GPC5: variants seen among roughly 807,000 people sequenced by gnomAD.
The protein encoded by GPC5 is glypican-5.
GPC5 carries 47 observed loss-of-function variants against 53.9 expected under a neutral mutation model. The ratio of observed to expected loss-of-function variants is 0.87; its 90% confidence interval spans 0.69 to 1.11. The LOEUF (loss-of-function observed/expected upper bound fraction) is 1.11, where lower values mean the gene tolerates loss of function less well. Ranked by LOEUF, GPC5 falls within the 50% of genes most tolerant of loss-of-function variation. The pLI is 0.00. For missense variants in GPC5, 748 were observed against 713.1 expected (o/e 1.05, Z -0.56); for synonymous variants, 286 against 263.3 (o/e 1.09, Z -0.84).
chr13:91,486,627 C>T (rs1299202778), intron 2 of GPC5: 1 of 152,028 alleles, frequency 6.6e-6, no homozygotes, highest in Non-Finnish European at 1.5e-5. Context: ...GGAGCCAAGA[C>T]AAGAAAGGCA....
At chr13:92,540,768 G>A (rs1012781479) in intron 7 of GPC5, among the ~76,000 whole-genome samples, 1 of 151,864 alleles carries the variant, frequency 6.6e-6, no homozygotes. Flanking sequence ...ATCATCTAAT[G>A]ACAACATGTA....
intron 3 of GPC5, among the ~76,000 whole-genome samples, chr13:91,713,789 C>T (rs1594467170): frequency 6.6e-6 from 1 of 152,278 alleles, no homozygotes; most frequent in East Asian, 1.9e-4. Context: ...CTTACTTTAC[C>T]TCCCACCAAA....
At chr13:92,294,826 CTTTT>C (rs147963724) in intron 7 of GPC5, among the ~76,000 whole-genome samples, 1 of 99,000 alleles carries the variant, frequency 1.0e-5, no homozygotes, top group African/African-American at 4.3e-5. Flanking sequence ...TTTTTTTTTT[CTTTT>C]TTTTTTTTTT....
At chr13:92,805,127 G>A (rs935304074) in intron 7 of GPC5, among the ~76,000 whole-genome samples, 6 of 152,028 alleles carry the variant, frequency 3.9e-5, no homozygotes, top group Admixed American at 3.9e-4. Flanking sequence ...TCCTGTCAAA[G>A]TTGACATTTT....
At chr13:92,058,874 A>C (rs1471427755) in intron 6 of GPC5, among the ~76,000 whole-genome samples, 1 of 152,130 alleles carries the variant, frequency 6.6e-6, no homozygotes, top group Non-Finnish European at 1.5e-5. Context: ...ATTTCCTTAC[A>C]CAAAGATTGG....
intron 2 of GPC5, among the ~76,000 whole-genome samples, chr13:91,571,836 T>C (rs1241148301): frequency 2.1e-4 from 17 of 80,192 alleles, no homozygotes; most frequent in East Asian, 1.2e-3. Flanking sequence ...TATACACATA[T>C]ACTTGTGTGT....
intron 2 of GPC5, among the ~76,000 whole-genome samples, chr13:91,452,669 G>T (rs1395789757): frequency 2.6e-5 from 4 of 152,056 alleles, no homozygotes; most frequent in Non-Finnish European, 5.9e-5. Flanking sequence ...AGGGGAAATT[G>T]ATGGAGAGTC....
chr13:91,729,813 G>A (rs1342184211), intron 4 of GPC5, among the ~76,000 whole-genome samples: 3 of 152,012 alleles, frequency 2.0e-5, no homozygotes, highest in East Asian at 3.9e-4. Flanking sequence ...GTCCTTCGAG[G>A]TGTTGTATTT....
chr13:92,586,121 C>A (rs551894862), intron 7 of GPC5, among the ~76,000 whole-genome samples: 2 of 152,076 alleles, frequency 1.3e-5, no homozygotes, highest in Non-Finnish European at 2.9e-5. Flanking sequence ...ACTGTAGTGA[C>A]GGATTAGTCG....
intron 7 of GPC5, among the ~76,000 whole-genome samples, chr13:92,529,373 A>C (rs1030399333): frequency 2.0e-5 from 3 of 152,162 alleles, no homozygotes; most frequent in Admixed American, 1.3e-4. Context: ...AAACAAATGA[A>C]CTCCAATACC....
At chr13:91,469,444 G>A (rs1882469079) in intron 2 of GPC5, among the ~76,000 whole-genome samples, 1 of 150,672 alleles carries the variant, frequency 6.6e-6, no homozygotes. Flanking sequence ...TTTTTTTTTG[G>A]GTAAAGACAG....
intron 7 of GPC5, among the ~76,000 whole-genome samples, chr13:92,459,269 A>G (rs1442332428): frequency 6.6e-6 from 1 of 152,218 alleles, no homozygotes; most frequent in East Asian, 1.9e-4. Context: ...CATACTTCAT[A>G]TAATGGTAGG....
rs537056114 is a variant in GPC5 at position 92,866,892 on chromosome 13, G to C, written c.*453G>C. 1 of 152,342 alleles carries C rather than the reference G, an allele frequency of 6.6e-6. No homozygotes were observed. The highest frequency in any genetic ancestry group is 2.1e-4 in the South Asian group (1 of 4,836). The allele number at this position is 152,342 out of a possible 1,614,324, so 9.4% of individuals were successfully genotyped here. On this transcript the variant is annotated 3_prime_UTR_variant, in exon 8 of 8. Transcript: ENST00000377067. The stretch of plus-strand genomic sequence containing the variant: ...ATGAAATAAATCAAAACATACAATG[G>C]CAAGTAGTATGCATGCATATTCAAG...
At position 91,534,319 on chromosome 13, in the gene GPC5, CTT is replaced by C. The variant is rs1009753024; in HGVS notation, c.325+85401_325+85402del. ...ATAAGTTTACAAATACAATTGCACT[CTT>C]TTTCCCTTTTAAATATATTATCTTA... is the stretch of plus-strand genomic sequence containing the variant. On this transcript the variant is annotated intron_variant, in intron 2 of 7. Transcript: ENST00000377067. Among the ~76,000 whole-genome samples, 4 of 152,154 alleles carry C rather than the reference CTT, an allele frequency of 2.6e-5. No individual in the cohort carries two copies. The East Asian group carries it at 5.8e-4, about 22-fold the overall frequency.
intron 2 of GPC5, among the ~76,000 whole-genome samples, chr13:91,564,756 T>A (rs1474364245): frequency 2.0e-5 from 3 of 152,154 alleles, no homozygotes; most frequent in Non-Finnish European, 4.4e-5. Flanking sequence ...AATATGGGCT[T>A]TTGCAGTCTA....
intron 2 of GPC5, among the ~76,000 whole-genome samples, chr13:91,476,351 A>T (rs591140): frequency 0.54 from 82,237 of 152,026 alleles, 22,579 homozygotes; most frequent in Non-Finnish European, 0.6. Flanking sequence ...AGTGGAGAAA[A>T]TGAGACTCAG....
At chr13:92,742,336 T>G (rs1175769801) in intron 7 of GPC5, among the ~76,000 whole-genome samples, 1 of 152,110 alleles carries the variant, frequency 6.6e-6, no homozygotes, top group African/African-American at 2.4e-5. Flanking sequence ...TGATGGCCAG[T>G]GATGGTGAGC....
chr13:91,983,345 C>CA lies in GPC5; in HGVS notation c.1401+75298dup, dbSNP rs68032615. On this transcript the variant is annotated intron_variant, in intron 6 of 7. Coordinates refer to ENST00000377067, the MANE Select transcript of GPC5 (RefSeq NM_004466.6). The stretch of plus-strand genomic sequence containing the variant: ...TGGGCGACAGAGCCAGACCCTGTCT[C>CA]AAAAAAAAAAGGACCCAAGGGAGGA... Among the ~76,000 whole-genome samples, 657 of 147,714 alleles carry CA rather than the reference C, an allele frequency of 4.4e-3. 3 individuals are homozygous for CA. The highest frequency in any genetic ancestry group is 0.012 in the African/African-American group (490 of 39,764).
chr13:92,544,437 G>T (rs917510657), intron 7 of GPC5, among the ~76,000 whole-genome samples: 1 of 152,142 alleles, frequency 6.6e-6, no homozygotes, highest in South Asian at 2.1e-4. Context: ...GCCCTCTTGC[G>T]AGAATAGACC....
Sources: allele counts gnomAD v4.1 joint callset (sites outside exome capture counted in the v4.1 genomes callset), GRCh38; gene constraint gnomAD v4.1.1; transcripts MANE v1.5; gene names NCBI Gene and HGNC (gene_info 2026-07-23, HGNC 2026-07-21).